XRN2: variants seen among roughly 807,000 people sequenced by gnomAD.
XRN2 encodes the protein DHM1-like protein.
In XRN2, 44 loss-of-function variants were observed where a neutral mutation model predicts 138.5. The ratio of observed to expected loss-of-function variants is 0.32; its 90% confidence interval spans 0.25 to 0.41. The LOEUF is 0.41. Among genes scored for constraint, XRN2 ranks in the 10% least tolerant of loss-of-function variants. XRN2 has a pLI of 1.00. For missense variants in XRN2, 937 were observed against 1,169.3 expected (o/e 0.80, Z 2.90); for synonymous variants, 354 against 369.4 (o/e 0.96, Z 0.48).
intron 27 of XRN2, among the ~76,000 whole-genome samples, chr20:21,373,436 T>C (rs1223115557): frequency 2.0e-5 from 3 of 152,216 alleles, no homozygotes; most frequent in African/African-American, 4.8e-5. Flanking sequence ...AAACTGTGCG[T>C]CCTTCAATGC....
chr20:21,320,847 T>G (rs1409380693), intron 1 of XRN2, among the ~76,000 whole-genome samples: 2 of 151,956 alleles, frequency 1.3e-5, no homozygotes, highest in Admixed American at 6.6e-5. Flanking sequence ...TTCCAGGAAT[T>G]AGTTTCTGAC....
intron 27 of XRN2, among the ~76,000 whole-genome samples, chr20:21,373,289 T>G (rs560892469): frequency 6.6e-6 from 1 of 152,246 alleles, no homozygotes; most frequent in Non-Finnish European, 1.5e-5. Flanking sequence ...ATTACAGGCA[T>G]GAGCCACCGC....
At chr20:21,368,378 G>A (rs2038725858) in intron 26 of XRN2, 85 bp from the exon 27 acceptor site, 5 of 1,528,392 alleles carry the variant, frequency 3.3e-6, no homozygotes, top group Admixed American at 4.0e-5. Flanking sequence ...ACGTGGCTAT[G>A]AGCATTTGTT....
chr20:21,312,644 C>G (rs2037898553), intron 1 of XRN2, among the ~76,000 whole-genome samples: 2 of 137,034 alleles, frequency 1.5e-5, no homozygotes, highest in African/African-American at 5.6e-5. Flanking sequence ...GAGTCTTGCT[C>G]TGTTGCCCAG....
intron 16 of XRN2, among the ~76,000 whole-genome samples, chr20:21,344,605 C>T (rs1416941913): frequency 6.6e-6 from 1 of 152,080 alleles, no homozygotes; most frequent in Non-Finnish European, 1.5e-5. Context: ...ATATAGTTTG[C>T]CTTAATCTTC....
At chr20:21,380,139 C>A (rs1004463481) in intron 27 of XRN2, among the ~76,000 whole-genome samples, 2 of 152,030 alleles carry the variant, frequency 1.3e-5, no homozygotes, top group African/African-American at 2.4e-5. Context: ...CCAGGGTAAC[C>A]GCAGTGATTC....
At chr20:21,349,555 C>G in intron 20 of XRN2, 94 bp downstream of exon 20, 2 of 1,063,204 alleles carry the variant, frequency 1.9e-6, no homozygotes, top group Non-Finnish European at 2.8e-6. Flanking sequence ...TTAGCCTGGG[C>G]AACATGGTGA....
intron 14 of XRN2, 40 bp from the exon 15 acceptor site, chr20:21,340,681 G>C (rs2038360026): frequency 6.2e-7 from 1 of 1,600,134 alleles, no homozygotes; most frequent in African/African-American, 1.3e-5. Context: ...ACTGTGTTGT[G>C]ATTTAATTTT....
At chr20:21,366,160 AGTT>A (rs1189164741) in intron 26 of XRN2, among the ~76,000 whole-genome samples, 11 of 25,656 alleles carry the variant, frequency 4.3e-4, no homozygotes, top group Non-Finnish European at 5.6e-4. Flanking sequence ...ATATATTTAT[AGTT>A]TATATAATAT....
rs1416333605 is a variant in XRN2, at chr20:21,338,966, C to G, written c.1234-78C>G. ...GTCCTTTAAAACTTAAGTTGTCTCC[C>G]AAATCATTCCTGGTAATGCTTAACT... On this transcript the variant is annotated intron_variant, in intron 13 of 29. Transcript: ENST00000377191. 1.1e-5 allele frequency: 15 copies of G among 1,397,228 alleles called. No homozygotes were observed. The East Asian group carries it at 3.5e-4, about 32-fold the overall frequency. 86.6% of individuals were successfully genotyped at this position (1,397,228 alleles called of 1,614,324 possible). A position where few individuals can be genotyped will look rare whatever the true frequency, so the allele number is the denominator to read the frequency against.
intron 27 of XRN2, among the ~76,000 whole-genome samples, chr20:21,377,382 A>G (rs2038837117): frequency 6.8e-6 from 1 of 147,426 alleles, no homozygotes; most frequent in African/African-American, 2.5e-5. Context: ...TTAGCCTCCC[A>G]GGTAGCTGGG....
chr20:21,316,109 C>CCG (rs1401768525), intron 1 of XRN2, among the ~76,000 whole-genome samples: 1 of 151,932 alleles, frequency 6.6e-6, no homozygotes, highest in Admixed American at 6.6e-5. Flanking sequence ...AGAAAATTAG[C>CCG]CGGGTGTGGT....
intron 14 of XRN2, among the ~76,000 whole-genome samples, chr20:21,340,475 A>G (rs1223386337): frequency 6.6e-6 from 1 of 152,218 alleles, no homozygotes; most frequent in Admixed American, 6.5e-5. Flanking sequence ...ATGTTTCAGT[A>G]TAATGTATTA....
At chr20:21,379,101 G>A (rs1047728385) in intron 27 of XRN2, among the ~76,000 whole-genome samples, 12 of 152,210 alleles carry the variant, frequency 7.9e-5, no homozygotes, top group Non-Finnish European at 1.8e-4. Flanking sequence ...TTGCCACGCT[G>A]ATTAGGTAAA....
Position 21,365,498 on chromosome 20 carries a change from A to G in XRN2, c.2324+9A>G, listed in dbSNP as rs754884441. On this transcript the variant is annotated intron_variant, in intron 25 of 29. Coordinates refer to ENST00000377191, the MANE Select transcript of XRN2 (RefSeq NM_012255.5). ...ATGCTTCCAGGAGCAAGGTAACAAC[A>G]GTAAATTACCTAGATTTATTTTGTA... The G allele has an allele frequency of 2.5e-6, 4 of 1,613,866 alleles. No homozygotes were observed. Among genetic ancestry groups the G allele is most frequent in the South Asian group, 2.2e-5 (2 of 91,014 alleles).
chr20:21,375,546 G>A (rs945698884), intron 27 of XRN2, among the ~76,000 whole-genome samples: 6 of 150,294 alleles, frequency 4.0e-5, no homozygotes, highest in Non-Finnish European at 8.9e-5. Flanking sequence ...TTTTTATTAT[G>A]TACCCATGGA....
At chr20:21,364,474 C>G (rs2038671786) in intron 24 of XRN2, among the ~76,000 whole-genome samples, 1 of 152,106 alleles carries the variant, frequency 6.6e-6, no homozygotes, top group Non-Finnish European at 1.5e-5. Flanking sequence ...AGAAGTTCGA[C>G]CCAGCTTATA....
intron 1 of XRN2, chr20:21,303,677 C>G: frequency 7.5e-7 from 1 of 1,325,004 alleles, no homozygotes; most frequent in Non-Finnish European, 9.6e-7. Context: ...ATTCAGGACC[C>G]TCGGCGGGGC....
At chr20:21,303,970 C>T (rs1212242912) in intron 1 of XRN2, 1 of 595,614 alleles carries the variant, frequency 1.7e-6, no homozygotes, top group African/African-American at 2.0e-5. Flanking sequence ...AGGTTTTCTC[C>T]TAGTGTTCAG....
Sources: gnomAD v4.1 joint callset for allele counts (sites outside exome capture counted in the v4.1 genomes callset) on GRCh38, gnomAD v4.1.1 for gene constraint, MANE v1.5 for transcripts, NCBI Gene and HGNC (gene_info 2026-07-23, HGNC 2026-07-21) for gene names.